The following PLSCR1 variants were observed in gnomAD, a reference collection of about 807,000 sequenced individuals.
PLSCR1 encodes the protein phospholipid scramblase 1.
Under a neutral mutation model 37.8 loss-of-function variants are expected in PLSCR1, and 17 were observed. That is an observed-to-expected ratio of 0.45 (90% CI 0.31 to 0.68). The LOEUF is 0.68. PLSCR1 is among the 30% of genes least tolerant of loss of function. PLSCR1 has a pLI of 0.06. For synonymous variants in PLSCR1, 116 were observed against 125.9 expected, an observed-to-expected ratio of 0.92 and a Z score of 0.53; for missense variants, 347 against 380.9, an observed-to-expected ratio of 0.91 and a Z score of 0.74.
Position 146,529,181 on chromosome 3 carries a change from G to C in PLSCR1, c.95-350C>G, listed in dbSNP as rs142320032. Among the ~76,000 whole-genome samples the C allele has an allele frequency of 2.7e-3, 418 of 152,306 alleles. 10 individuals are homozygous for C. The highest frequency in any genetic ancestry group is 0.021 in the Admixed American group (326 of 15,292). Reference sequence around the variant, plus strand: ...AAGGGAAACAAACACGTCATTGGTAGAAGGCCCAAAATAATGGCTTTGAGT... The same window carrying C: ...AAGGGAAACAAACACGTCATTGGTACAAGGCCCAAAATAATGGCTTTGAGT... On this transcript the variant is annotated intron_variant, in intron 3 of 8. Transcript: ENST00000342435.
intron 1 of PLSCR1, 131 bp downstream of exon 1, chr3:146,544,336 C>T (rs1206406015): frequency 6.6e-6 from 1 of 151,498 alleles, no homozygotes; most frequent in Non-Finnish European, 1.5e-5. Flanking sequence ...GCAAACACAA[C>T]CTGCGGGCCC....
At position 146,521,944 on chromosome 3, in the gene PLSCR1, C is replaced by T. The variant is rs2044028764; in HGVS notation, c.465G>A (p.Gly155=). Reference sequence around the variant, plus strand: ...TCCTCAAGGTAAAAGGTCTAGATGGCCCACAGCAATTTCGGGTACAGCAAT... The same window carrying T: ...TCCTCAAGGTAAAAGGTCTAGATGGTCCACAGCAATTTCGGGTACAGCAAT... ...DTDCCTRNCC[G]PSRPFTLRII... is the part of the protein sequence containing the mutation. The change falls in exon 6 of 9, where the codon GGG becomes GGA. Residue 155 remains glycine (G), a synonymous_variant. Coordinates refer to ENST00000342435, the MANE Select transcript of PLSCR1 (RefSeq NM_021105.3). 4 of 1,612,272 alleles carry T rather than the reference C, an allele frequency of 2.5e-6. No homozygotes were observed. The Admixed American group carries it at 5.0e-5, about 20-fold the overall frequency.
intron 4 of PLSCR1, among the ~76,000 whole-genome samples, chr3:146,527,266 T>C (rs933791026): frequency 1.2e-4 from 18 of 152,224 alleles, no homozygotes; most frequent in African/African-American, 4.1e-4. Flanking sequence ...TAGTGTTCTA[T>C]AGCTATGTAG....
intron 5 of PLSCR1, among the ~76,000 whole-genome samples, chr3:146,524,062 G>A (rs1201027257): frequency 6.6e-6 from 1 of 152,100 alleles, no homozygotes; most frequent in Non-Finnish European, 1.5e-5. Flanking sequence ...GACAGACCCT[G>A]TACTCTGCAT....
At chr3:146,526,183 C>CAAAAAAAAAAAAAAAAAAAAAAAA (rs60229241) in intron 4 of PLSCR1, among the ~76,000 whole-genome samples, 1 of 42,822 alleles carries the variant, frequency 2.3e-5, no homozygotes, top group African/African-American at 9.7e-5. Context: ...GACTCCATCT[C>CAAAAAAAAAAAAAAAAAAAAAAAA]AAAAAAAAAA....
chr3:146,534,614 G>A (rs376337874), intron 2 of PLSCR1, among the ~76,000 whole-genome samples: 35 of 151,804 alleles, frequency 2.3e-4, no homozygotes, highest in Admixed American at 1.5e-3. Flanking sequence ...TGACTTCAGC[G>A]GAATCCAGTC....
chr3:146,533,554 C>A lies in PLSCR1; in HGVS notation c.14-4G>T. ...TGAGAAGCATTCATCTGTGAGTCTG[C>A]AATTCAAGGAGAGGTAAATAGATGT... On this transcript the variant is annotated splice_region_variant and splice_polypyrimidine_tract_variant and intron_variant, in intron 2 of 8. Coordinates refer to ENST00000342435, the MANE Select transcript of PLSCR1 (RefSeq NM_021105.3). The A allele has an allele frequency of 6.3e-7, 1 of 1,580,528 alleles. No homozygotes were observed. The highest frequency in any genetic ancestry group is 1.3e-5 in the African/African-American group (1 of 74,468).
chr3:146,521,465 T>G, intron 7 of PLSCR1, 79 bp downstream of exon 7: 1 of 1,181,868 alleles, frequency 8.5e-7, no homozygotes, highest in Non-Finnish European at 1.2e-6. Context: ...ACTTATTTAA[T>G]GCATTTATAA....
At position 146,525,599 on chromosome 3, in the gene PLSCR1, AC is replaced by A. The variant is rs2044096508; in HGVS notation, c.355+5del. On this transcript the variant is annotated splice_donor_5th_base_variant and intron_variant, in intron 5 of 8. Transcript: ENST00000342435. ...TAGAAACAGGATTAAAACAATGAAT[AC>A]ATACCTTCCAGAAGTTCAATTTGCT... The A allele has an allele frequency of 2.1e-6, 3 of 1,443,668 alleles. No individual in the cohort carries two copies. The highest frequency in any genetic ancestry group is 2.9e-6 in the Non-Finnish European group (3 of 1,030,612). 89.4% of individuals were successfully genotyped at this position (1,443,668 alleles called of 1,614,324 possible). A position where few individuals can be genotyped will look rare whatever the true frequency, so the allele number is the denominator to read the frequency against.
rs751957041 is a variant in PLSCR1 at position 146,516,119 on chromosome 3, T to A, written c.901-18A>T. ...ATGAAGTCCTAGATAAAAACAAAAG[T>A]ATACAAATGAATTTTCAACAACAAA... On this transcript the variant is annotated intron_variant, in intron 8 of 8. Transcript: ENST00000342435. 10 of 1,555,624 alleles carry A rather than the reference T, an allele frequency of 6.4e-6. No individual in the cohort carries two copies. Among genetic ancestry groups the A allele is most frequent in the Non-Finnish European group, 8.8e-6 (10 of 1,131,038 alleles).
intron 2 of PLSCR1, among the ~76,000 whole-genome samples, chr3:146,534,902 C>A (rs1420599829): frequency 6.6e-6 from 1 of 151,796 alleles, no homozygotes; most frequent in Non-Finnish European, 1.5e-5. Flanking sequence ...AAATAAATAA[C>A]ACAAAACAAC....
At chr3:146,517,363 T>C in intron 7 of PLSCR1, 196 bp from the exon 8 acceptor site, 1 of 306,726 alleles carries the variant, frequency 3.3e-6, no homozygotes, top group Non-Finnish European at 5.9e-6. Flanking sequence ...AAATTATATT[T>C]CAGAAAGTTT....
At chr3:146,534,369 T>C (rs2044238422) in intron 2 of PLSCR1, among the ~76,000 whole-genome samples, 1 of 152,210 alleles carries the variant, frequency 6.6e-6, no homozygotes, top group African/African-American at 2.4e-5. Context: ...ATCTGTTTCC[T>C]TATGAATTAC....
At chr3:146,517,196 C>T in intron 7 of PLSCR1, 29 bp from the exon 8 acceptor site, 1 of 1,329,524 alleles carries the variant, frequency 7.5e-7, no homozygotes, top group Middle Eastern at 1.9e-4. Flanking sequence ...GTATTAAATA[C>T]TTTTAGGAAA....
intron 3 of PLSCR1, among the ~76,000 whole-genome samples, chr3:146,531,762 T>C (rs1480584149): frequency 1.3e-5 from 2 of 152,222 alleles, no homozygotes; most frequent in Non-Finnish European, 2.9e-5. Context: ...CCCTTATTTA[T>C]AGATAGGAAC....
At chr3:146,526,777 C>G (rs966479805) in intron 4 of PLSCR1, among the ~76,000 whole-genome samples, 6 of 151,890 alleles carry the variant, frequency 4.0e-5, no homozygotes, top group Admixed American at 2.6e-4. Context: ...TGAAATAAGC[C>G]AGGCACAGAA....
intron 3 of PLSCR1, among the ~76,000 whole-genome samples, chr3:146,531,650 T>G (rs1282351242): frequency 6.6e-6 from 1 of 152,228 alleles, no homozygotes; most frequent in Non-Finnish European, 1.5e-5. Flanking sequence ...ATATTTTAAA[T>G]ATGTTAGCAA....
rs1191418688 is a variant in PLSCR1 at position 146,515,269 on chromosome 3, A to G, written c.*776T>C. The G allele has an allele frequency of 6.6e-6, 1 of 152,254 alleles. No homozygotes were observed. Among genetic ancestry groups the G allele is most frequent in the Non-Finnish European group, 1.5e-5 (1 of 68,046 alleles). 9.4% of individuals were successfully genotyped at this position (152,254 alleles called of 1,614,324 possible). A position where few individuals can be genotyped will look rare whatever the true frequency, so the allele number is the denominator to read the frequency against. ...TCTGTGAATATATATATGATATTGT[A>G]TTTAATTAATATCTGAGTAATCTCA... On this transcript the variant is annotated 3_prime_UTR_variant, in exon 9 of 9. Transcript: ENST00000342435.
intron 1 of PLSCR1, among the ~76,000 whole-genome samples, chr3:146,539,931 A>G (rs1264541613): frequency 6.6e-6 from 1 of 152,204 alleles, no homozygotes; most frequent in African/African-American, 2.4e-5. Context: ...GTGGATGCCT[A>G]CATTCCTGTT....
Sources: allele counts gnomAD v4.1 joint callset (sites outside exome capture counted in the v4.1 genomes callset), GRCh38; gene constraint gnomAD v4.1.1; transcripts MANE v1.5; gene names NCBI Gene and HGNC (gene_info 2026-07-23, HGNC 2026-07-21).